The following THEMIS variants were observed in gnomAD, a reference collection of about 807,000 sequenced individuals.
THEMIS encodes the protein thymocyte selection associated.
A neutral mutation model predicts 52.6 loss-of-function variants in THEMIS; 37 were observed. The observed-to-expected ratio is 0.70, with a 90% CI of 0.54 to 0.93. The LOEUF is 0.93. Among genes scored for constraint, THEMIS ranks in the 40% least tolerant of loss-of-function variants. The probability of loss-of-function intolerance (pLI) is 0.00; values close to 1 mark genes in which losing one functional copy is unlikely to be tolerated. For synonymous variants in THEMIS, 292 were observed against 272.7 expected (o/e 1.07, Z -0.70); for missense variants, 808 against 763.1 (o/e 1.06, Z -0.69).
At chr6:127,731,864 A>ATTTTTT (rs58263706) in intron 4 of THEMIS, among the ~76,000 whole-genome samples, 14,502 of 41,482 alleles carry the variant, frequency 0.35, 4,761 homozygotes, top group Non-Finnish European at 0.44. Flanking sequence ...TGCCCGGCTA[A>ATTTTTT]TTTTTTTTTT....
At chr6:127,711,809 G>C (rs980649136) in intron 5 of THEMIS, among the ~76,000 whole-genome samples, 1 of 151,938 alleles carries the variant, frequency 6.6e-6, no homozygotes, top group Non-Finnish European at 1.5e-5. Flanking sequence ...GGAGCAGGGG[G>C]ATGGGATGAA....
intron 1 of THEMIS, among the ~76,000 whole-genome samples, chr6:127,910,627 T>A (rs1488601157): frequency 2.0e-5 from 3 of 152,162 alleles, no homozygotes; most frequent in South Asian, 4.1e-4. Flanking sequence ...CATAATTTTT[T>A]AAAATAATTA....
intron 3 of THEMIS, among the ~76,000 whole-genome samples, chr6:127,818,507 G>T (rs553181359): frequency 2.0e-5 from 3 of 149,272 alleles, no homozygotes; most frequent in East Asian, 2.1e-4. Context: ...CTAACTTCTA[G>T]ATAGATAAAC....
upstream of THEMIS, among the ~76,000 whole-genome samples, chr6:127,902,324 CAAAAA>C (rs35320887): frequency 9.1e-6 from 1 of 109,752 alleles, no homozygotes; most frequent in Non-Finnish European, 1.9e-5. Context: ...GACTCTGTCT[CAAAAA>C]AAAAAAAAAA....
intron 1 of THEMIS, among the ~76,000 whole-genome samples, chr6:127,909,409 C>T (rs1781355730): frequency 6.6e-6 from 1 of 152,072 alleles, no homozygotes; most frequent in African/African-American, 2.4e-5. Context: ...AGTGAGTTCT[C>T]ACGAGATCTG....
the THEMIS span, among the ~76,000 whole-genome samples, chr6:127,697,084 T>C: frequency 6.6e-6 from 1 of 152,116 alleles, no homozygotes; most frequent in African/African-American, 2.4e-5. Flanking sequence ...TCCCGACTCA[T>C]ATATGCAATT....
At chr6:127,871,893 T>C (rs894327815) in intron 1 of THEMIS, among the ~76,000 whole-genome samples, 3 of 152,112 alleles carry the variant, frequency 2.0e-5, no homozygotes. Flanking sequence ...TTTTCAACAA[T>C]TCTAGATAAT....
At chr6:127,875,093 T>C (rs1337660710) in intron 1 of THEMIS, among the ~76,000 whole-genome samples, 1 of 152,240 alleles carries the variant, frequency 6.6e-6, no homozygotes, top group East Asian at 1.9e-4. Flanking sequence ...TAGTGTGTAC[T>C]TGAAACATCC....
At chr6:127,703,035 G>GGTTTTTTTTTTTTTTTTTTTTT in the THEMIS span, among the ~76,000 whole-genome samples, 14 of 82,384 alleles carry the variant, frequency 1.7e-4, 1 homozygote, top group Non-Finnish European at 2.5e-4. Flanking sequence ...TTTAGAATGA[G>GGTTTTTTTTTTTTTTTTTTTTT]TTTTTTTTTT....
rs780204700 is a variant in THEMIS at position 127,813,864 on chromosome 6, G to A, written c.777C>T (p.Tyr259=). 3.1e-6 allele frequency: 5 copies of A among 1,611,020 alleles called. No individual in the cohort carries two copies. Among genetic ancestry groups the A allele is most frequent in the East Asian group, 2.2e-5 (1 of 44,866 alleles). ...DVEVKDITDS[Y]DANWFLQLLS... ...ACAGCTGAAGAAACCAGTTAGCATCGTAAGAATCAGTGATGTCTTTGACTT... is the reference window on the plus strand; with the variant it reads ...ACAGCTGAAGAAACCAGTTAGCATCATAAGAATCAGTGATGTCTTTGACTT... Residue 259 remains tyrosine (Y), a synonymous_variant, in exon 4 of 6, where the codon TAC becomes TAT. Coordinates refer to ENST00000368248, the MANE Select transcript of THEMIS (RefSeq NM_001010923.3).
intron 4 of THEMIS, among the ~76,000 whole-genome samples, chr6:127,795,720 G>T (rs1421183653): frequency 6.6e-6 from 1 of 152,114 alleles, no homozygotes; most frequent in African/African-American, 2.4e-5. Context: ...ATAAGAAAAA[G>T]ATTAATACTA....
chr6:127,768,832 C>T (rs1162890602), intron 4 of THEMIS, among the ~76,000 whole-genome samples: 2 of 152,130 alleles, frequency 1.3e-5, no homozygotes, highest in African/African-American at 4.8e-5. Flanking sequence ...TAAATATTGG[C>T]TTTGCTTTCG....
chr6:127,808,017 A>C (rs1429857398), intron 4 of THEMIS, among the ~76,000 whole-genome samples: 1 of 152,060 alleles, frequency 6.6e-6, no homozygotes, highest in Non-Finnish European at 1.5e-5. Context: ...ATTTCACAGT[A>C]CCTTGCCATT....
At chr6:127,892,405 C>T (rs1300714434) in intron 1 of THEMIS, among the ~76,000 whole-genome samples, 1 of 152,294 alleles carries the variant, frequency 6.6e-6, no homozygotes, top group East Asian at 1.9e-4. Flanking sequence ...CCTCACCTTG[C>T]TTTACTCTCC....
chr6:127,837,801 C>T (rs187904420), intron 2 of THEMIS, among the ~76,000 whole-genome samples: 79 of 152,184 alleles, frequency 5.2e-4, no homozygotes, highest in African/African-American at 1.7e-3. Flanking sequence ...ACTATAGACA[C>T]TTCATTTGAC....
At chr6:127,706,704 G>C (rs1000754706), downstream of THEMIS, among the ~76,000 whole-genome samples, 6 of 152,112 alleles carry the variant, frequency 3.9e-5, no homozygotes, top group African/African-American at 1.4e-4. Flanking sequence ...AGACCAATAA[G>C]AGTTGAGGTT....
rs145958569 is a variant in THEMIS at position 127,722,163 on chromosome 6, A to T, written c.1759-2340T>A. 2.1e-4 allele frequency among the ~76,000 whole-genome samples: 32 copies of T among 152,108 alleles called. 1 individual carries two copies. The East Asian group carries it at 4.5e-3, about 21-fold the overall frequency. Reference sequence around the variant, plus strand: ...TTAAGAGCCTCATTTTCCTGGAAACAGTTCCCACAGTGGAGTCTCTTCTTA... The same window carrying T: ...TTAAGAGCCTCATTTTCCTGGAAACTGTTCCCACAGTGGAGTCTCTTCTTA... On this transcript the variant is annotated intron_variant, in intron 4 of 5. Transcript: ENST00000368248.
intron 4 of THEMIS, among the ~76,000 whole-genome samples, chr6:127,743,959 G>A (rs1775295144): frequency 6.6e-6 from 1 of 151,974 alleles, no homozygotes. Context: ...AAAGTAGATA[G>A]TAAAGACAAA....
At chr6:127,890,949 T>A (rs1053559837) in intron 1 of THEMIS, among the ~76,000 whole-genome samples, 2 of 152,130 alleles carry the variant, frequency 1.3e-5, no homozygotes, top group African/African-American at 4.8e-5. Flanking sequence ...TCAAATAAAG[T>A]CCTGATCAAT....
Sources: gnomAD v4.1 joint callset for allele counts (sites outside exome capture counted in the v4.1 genomes callset) on GRCh38, gnomAD v4.1.1 for gene constraint, MANE v1.5 for transcripts, NCBI Gene and HGNC (gene_info 2026-07-23, HGNC 2026-07-21) for gene names.